Variants in PEX5L observed in about 807,000 individuals in gnomAD.
PEX5L encodes PEX5-related protein.
In PEX5L, 30 loss-of-function variants were observed where a neutral mutation model predicts 84.0. That is an observed-to-expected ratio of 0.36 (90% CI 0.27 to 0.48). PEX5L has a LOEUF of 0.48. Ranked by LOEUF, PEX5L falls within the 20% of genes least tolerant of loss-of-function variation. PEX5L has a pLI of 0.99. For synonymous variants in PEX5L, 270 were observed against 283.1 expected (o/e 0.95, Z 0.46); for missense variants, 533 against 754.6 (o/e 0.71, Z 3.44).
At chr3:179,911,345 T>A (rs927460900) in intron 2 of PEX5L, among the ~76,000 whole-genome samples, 1 of 152,128 alleles carries the variant, frequency 6.6e-6, no homozygotes, top group Non-Finnish European at 1.5e-5. Context: ...TGATAGAACA[T>A]GGGACATGGT....
chr3:179,937,138 C>G (rs1478272516), intron 2 of PEX5L, among the ~76,000 whole-genome samples: 1 of 152,084 alleles, frequency 6.6e-6, no homozygotes, highest in East Asian at 1.9e-4. Context: ...AGAGCCTACC[C>G]TTAAGGAGCT....
intron 2 of PEX5L, among the ~76,000 whole-genome samples, chr3:179,925,454 C>A (rs1160399414): frequency 2.0e-5 from 3 of 152,148 alleles, no homozygotes; most frequent in Non-Finnish European, 2.9e-5. Context: ...CAAGAAGTAA[C>A]ATACTGTACC....
intron 7 of PEX5L, among the ~76,000 whole-genome samples, chr3:179,865,127 C>G (rs1025162325): frequency 2.0e-5 from 3 of 152,184 alleles, no homozygotes; most frequent in Admixed American, 6.5e-5. Flanking sequence ...GCTTACAGTT[C>G]ATATTCTCTT....
intron 1 of PEX5L, among the ~76,000 whole-genome samples, chr3:179,987,338 G>A (rs904382463): frequency 7.0e-6 from 1 of 143,406 alleles, no homozygotes; most frequent in Non-Finnish European, 1.5e-5. Flanking sequence ...CCATTTAAAA[G>A]GTTGAATTAA....
At chr3:179,971,020 TA>T (rs1415947109) in intron 2 of PEX5L, among the ~76,000 whole-genome samples, 2 of 152,296 alleles carry the variant, frequency 1.3e-5, no homozygotes, top group Non-Finnish European at 2.9e-5. Flanking sequence ...CATTTCACCT[TA>T]TGGGCCCATA....
intron 2 of PEX5L, among the ~76,000 whole-genome samples, chr3:179,913,816 T>C (rs976766853): frequency 4.6e-5 from 7 of 152,192 alleles, no homozygotes; most frequent in Non-Finnish European, 7.4e-5. Context: ...ATTGTCTAGC[T>C]AGGACTCTTA....
At position 180,021,521 on chromosome 3, in the gene PEX5L, A is replaced by G. The variant is rs1020321098; in HGVS notation, c.21+15058T>C. Among the ~76,000 whole-genome samples the G allele has an allele frequency of 7.9e-5, 12 of 152,204 alleles. No homozygotes were observed. In the East Asian group the frequency reaches 2.3e-3, roughly 29 times the overall value. On this transcript the variant is annotated intron_variant, in intron 1 of 14. Transcript: ENST00000467460. Reference sequence around the variant, plus strand: ...ATTCTAAAGATGATTGCACTTAGAAACACTATTATAGATGATGCTTAACAT... The same window carrying G: ...ATTCTAAAGATGATTGCACTTAGAAGCACTATTATAGATGATGCTTAACAT...
chr3:179,810,953 T>C (rs1371840587), intron 11 of PEX5L, among the ~76,000 whole-genome samples: 2 of 152,192 alleles, frequency 1.3e-5, no homozygotes, highest in Non-Finnish European at 2.9e-5. Flanking sequence ...CTCTGTTACA[T>C]ACTCTCTGTG....
At chr3:179,881,553 T>C (rs933177074) in intron 4 of PEX5L, 2 of 152,222 alleles carry the variant, frequency 1.3e-5, no homozygotes, top group South Asian at 2.1e-4. Context: ...ATCTAATGTA[T>C]GTAAAGTGCC....
chr3:179,843,001 T>C (rs1016951399), intron 8 of PEX5L, among the ~76,000 whole-genome samples: 2 of 152,028 alleles, frequency 1.3e-5, no homozygotes, highest in African/African-American at 4.8e-5. Context: ...TGTTCTCTTT[T>C]CCCATCATGG....
intron 1 of PEX5L, among the ~76,000 whole-genome samples, chr3:180,027,335 A>C (rs540149294): frequency 1.3e-5 from 2 of 152,270 alleles, no homozygotes; most frequent in South Asian, 4.1e-4. Context: ...CTTTTTTTCC[A>C]ACACATTATT....
chr3:179,807,392 T>G (rs1721733929), intron 14 of PEX5L, among the ~76,000 whole-genome samples: 3 of 152,192 alleles, frequency 2.0e-5, no homozygotes, highest in Admixed American at 2.0e-4. Flanking sequence ...TAACTTGTCC[T>G]AATCCAGGCC....
intron 1 of PEX5L, among the ~76,000 whole-genome samples, chr3:180,033,374 A>G (rs1579430563): frequency 6.7e-6 from 1 of 148,896 alleles, no homozygotes; most frequent in East Asian, 1.9e-4. Context: ...TTTTTGTTTG[A>G]TTGCCTTCTG....
At chr3:180,003,368 G>A (rs1005532940) in intron 1 of PEX5L, among the ~76,000 whole-genome samples, 1 of 150,920 alleles carries the variant, frequency 6.6e-6, no homozygotes, top group South Asian at 2.1e-4. Flanking sequence ...AATTTATGTG[G>A]GCTCAGACTG....
intron 5 of PEX5L, among the ~76,000 whole-genome samples, chr3:179,876,495 TA>T (rs566975818): frequency 2.3e-3 from 321 of 138,356 alleles, no homozygotes; most frequent in Admixed American, 3.0e-3. Context: ...AAACTCTGTC[TA>T]AAAAAAAAAA....
At chr3:179,827,146 T>C (rs1730808468) in intron 8 of PEX5L, among the ~76,000 whole-genome samples, 1 of 152,220 alleles carries the variant, frequency 6.6e-6, no homozygotes, top group Admixed American at 6.5e-5. Flanking sequence ...TCCAGAACCT[T>C]GTCTCACTTC....
chr3:179,894,301 G>T (rs1395817575), intron 3 of PEX5L, among the ~76,000 whole-genome samples: 1 of 152,024 alleles, frequency 6.6e-6, no homozygotes, highest in Non-Finnish European at 1.5e-5. Context: ...TAAAAATCCA[G>T]ATTTTTAGAG....
chr3:180,033,186 A>G lies in PEX5L; in HGVS notation c.21+3393T>C, dbSNP rs114883664. On this transcript the variant is annotated intron_variant, in intron 1 of 14. Coordinates refer to ENST00000467460, the MANE Select transcript of PEX5L (RefSeq NM_016559.3). ...AACAAATGCAAAACTCCCCTGGGGG[A>G]AAACAAATGGCTACTTTTTGGGCTG... Among the ~76,000 whole-genome samples the G allele has an allele frequency of 1.6e-3, 241 of 152,332 alleles. 2 individuals are homozygous for G. The highest frequency in any genetic ancestry group is 5.5e-3 in the African/African-American group (228 of 41,576).
In PEX5L at chr3:179,815,971, C is replaced by T; in HGVS notation, c.973G>A (p.Asp325Asn). The change falls in exon 10 of 15, where the codon GAC becomes AAC. Residue 325 changes from aspartate (D) to asparagine (N), a missense_variant. Asp to Asn is a conservative substitution (Grantham distance 23). This residue lies in a region of PEX5L where 58 missense variants were observed against 56.4 expected (regional missense o/e 1.03). Coordinates refer to ENST00000467460, the MANE Select transcript of PEX5L (RefSeq NM_016559.3). ...CCTTCTTCAAATGCTCCAGGCCAGT[C>T]CTTGAAGGGGTTTTCAGTGTGAAAG... ...YYFHTENPFK[D>N]WPGAFEEGLK... 3 of 1,614,162 alleles carry T rather than the reference C, an allele frequency of 1.9e-6. No homozygotes were observed. The highest frequency in any genetic ancestry group is 1.7e-6 in the Non-Finnish European group (2 of 1,180,028).
Sources: allele counts gnomAD v4.1 joint callset (sites outside exome capture counted in the v4.1 genomes callset), GRCh38; gene constraint gnomAD v4.1.1; regional missense constraint gnomAD v4.1.1; transcripts MANE v1.5; gene names NCBI Gene and HGNC (gene_info 2026-07-23, HGNC 2026-07-21).